The following ARL15 variants were observed in gnomAD, a reference collection of about 807,000 sequenced individuals.
ARL15 encodes ARF like GTPase 15.
In ARL15, 19 loss-of-function variants were observed where a neutral mutation model predicts 25.2. That is an observed-to-expected ratio of 0.75 (90% CI 0.53 to 1.10). The LOEUF is 1.10. Ranked by LOEUF, ARL15 falls within the 50% of genes least tolerant of loss-of-function variation. The pLI is 0.00. For synonymous variants in ARL15, 94 were observed against 86.8 expected (o/e 1.08, Z -0.46); for missense variants, 220 against 246.0 (o/e 0.89, Z 0.71).
rs190003488 is a variant in ARL15 at position 54,001,196 on chromosome 5, A to G, written c.462+112006T>C. Reference sequence around the variant, plus strand: ...AGAAATGGGTTGTGTGTGCTTAGGTACTAGACTCAGTAATCCACCCTCCCT... The same window carrying G: ...AGAAATGGGTTGTGTGTGCTTAGGTGCTAGACTCAGTAATCCACCCTCCCT... On this transcript the variant is annotated intron_variant, in intron 4 of 4. Transcript: ENST00000504924. 2.0e-4 allele frequency among the ~76,000 whole-genome samples: 30 copies of G among 152,278 alleles called. 1 individual carries two copies. Among genetic ancestry groups the G allele is most frequent in the African/African-American group, 7.0e-4 (29 of 41,562 alleles).
At chr5:53,988,327 A>G (rs1047642093) in intron 4 of ARL15, among the ~76,000 whole-genome samples, 1 of 151,772 alleles carries the variant, frequency 6.6e-6, no homozygotes, top group Non-Finnish European at 1.5e-5. Flanking sequence ...AAAAGAAAAA[A>G]AAAAAAAGCT....
intron 4 of ARL15, among the ~76,000 whole-genome samples, chr5:54,056,406 C>CGGATCACCTGAGGTCAGG (rs1554037032): frequency 6.6e-6 from 1 of 151,666 alleles, no homozygotes; most frequent in Non-Finnish European, 1.5e-5. Context: ...CTGAGGTGAG[C>CGGATCACCTGAGGTCAGG]GGATCACCTG....
At position 54,043,631 on chromosome 5, in the gene ARL15, T is replaced by G. The variant is rs186507403; in HGVS notation, c.462+69571A>C. Among the ~76,000 whole-genome samples, 121 of 152,294 alleles carry G rather than the reference T, an allele frequency of 7.9e-4. 1 individual carries two copies. Among genetic ancestry groups the G allele is most frequent in the South Asian group, 5.8e-3 (28 of 4,826 alleles). ...TTGCCTCTCCAAATGTCAGGCTACA[T>G]TTCCATCATAGGGAAAGAGAACATT... On this transcript the variant is annotated intron_variant, in intron 4 of 4. Transcript: ENST00000504924.
intron 1 of ARL15, among the ~76,000 whole-genome samples, chr5:54,288,801 A>AT (rs1758246873): frequency 6.6e-6 from 1 of 152,200 alleles, no homozygotes; most frequent in African/African-American, 2.4e-5. Context: ...ACCTGGACAT[A>AT]TAAGGTTTTT....
chr5:54,060,742 G>A (rs540314016), intron 4 of ARL15, among the ~76,000 whole-genome samples: 1 of 152,306 alleles, frequency 6.6e-6, no homozygotes, highest in African/African-American at 2.4e-5. Flanking sequence ...CTCTTGTTAT[G>A]TTTTAGCAAA....
chr5:54,001,349 C>T (rs1748843961), intron 4 of ARL15, among the ~76,000 whole-genome samples: 1 of 152,164 alleles, frequency 6.6e-6, no homozygotes, highest in Non-Finnish European at 1.5e-5. Flanking sequence ...GCTAAGGATG[C>T]AGAAGGTACT....
chr5:54,186,287 C>T (rs1755237992), intron 1 of ARL15, among the ~76,000 whole-genome samples: 2 of 152,168 alleles, frequency 1.3e-5, no homozygotes, highest in African/African-American at 2.4e-5. Flanking sequence ...TCTCGCCTCA[C>T]ACATCAACAC....
chr5:54,283,206 T>C (rs1014382400), intron 1 of ARL15, among the ~76,000 whole-genome samples: 3 of 152,200 alleles, frequency 2.0e-5, no homozygotes, highest in Admixed American at 6.5e-5. Flanking sequence ...GATGCAGTCC[T>C]TGAGGAAGAC....
rs574897716 is a variant in ARL15, at chr5:54,070,452, C to T, written c.462+42750G>A. Among the ~76,000 whole-genome samples, 25 of 152,184 alleles carry T rather than the reference C, an allele frequency of 1.6e-4. No individual in the cohort carries two copies. In the South Asian group the frequency reaches 5.2e-3, roughly 32 times the overall value. ...CCCCTTGCCATGTGATGCCCTGGGT[C>T]ACCTCGGGACTCTGTAAAGAGTCCC... On this transcript the variant is annotated intron_variant, in intron 4 of 4. Transcript: ENST00000504924.
intron 4 of ARL15, among the ~76,000 whole-genome samples, chr5:54,034,105 G>A (rs1056907603): frequency 2.0e-5 from 3 of 152,156 alleles, no homozygotes; most frequent in South Asian, 2.1e-4. Context: ...GAGCCACCAC[G>A]CCCGGCACAA....
At chr5:54,081,840 C>T (rs565546326) in intron 4 of ARL15, among the ~76,000 whole-genome samples, 1 of 152,070 alleles carries the variant, frequency 6.6e-6, no homozygotes, top group South Asian at 2.1e-4. Flanking sequence ...GCCTGTAATC[C>T]CAGCACTTTG....
chr5:53,895,288 C>T (rs1355441999), intron 4 of ARL15, among the ~76,000 whole-genome samples: 2 of 152,202 alleles, frequency 1.3e-5, no homozygotes, highest in Non-Finnish European at 2.9e-5. Context: ...GGCTTTCCAG[C>T]TTGGCTGGGC....
chr5:54,184,563 A>G (rs1310710185), intron 1 of ARL15, among the ~76,000 whole-genome samples: 2 of 149,362 alleles, frequency 1.3e-5, no homozygotes, highest in Non-Finnish European at 3.0e-5. Flanking sequence ...TCAATAAAGT[A>G]GATTCTTTCC....
At chr5:54,047,111 C>T (rs1378717686) in intron 4 of ARL15, among the ~76,000 whole-genome samples, 1 of 152,162 alleles carries the variant, frequency 6.6e-6, no homozygotes, top group Non-Finnish European at 1.5e-5. Context: ...CTCTATGGCT[C>T]ACAAAGTCAG....
intron 1 of ARL15, among the ~76,000 whole-genome samples, chr5:54,269,837 G>A (rs1367601451): frequency 6.6e-6 from 1 of 152,118 alleles, no homozygotes; most frequent in Non-Finnish European, 1.5e-5. Flanking sequence ...AATAGAGACA[G>A]GGTGTCACTA....
At chr5:54,016,838 C>T (rs1298539147) in intron 4 of ARL15, among the ~76,000 whole-genome samples, 4 of 152,178 alleles carry the variant, frequency 2.6e-5, no homozygotes, top group African/African-American at 7.2e-5. Flanking sequence ...AATATCTTCT[C>T]AAAATATATT....
At chr5:54,132,697 T>C (rs568423254) in intron 3 of ARL15, among the ~76,000 whole-genome samples, 1 of 152,106 alleles carries the variant, frequency 6.6e-6, no homozygotes. Flanking sequence ...AAACAAGGGG[T>C]GGATTATTCA....
chr5:54,074,425 A>G (rs1166132146), intron 4 of ARL15, among the ~76,000 whole-genome samples: 1 of 152,244 alleles, frequency 6.6e-6, no homozygotes, highest in African/African-American at 2.4e-5. Flanking sequence ...TTGTCAATAA[A>G]ATGTTGTAAA....
At chr5:54,065,873 T>C (rs1751215434) in intron 4 of ARL15, among the ~76,000 whole-genome samples, 1 of 152,216 alleles carries the variant, frequency 6.6e-6, no homozygotes, top group African/African-American at 2.4e-5. Context: ...AATCATAATT[T>C]CACTTATTCT....
Sources: gnomAD v4.1 joint callset for allele counts (sites outside exome capture counted in the v4.1 genomes callset) on GRCh38, gnomAD v4.1.1 for gene constraint, MANE v1.5 for transcripts, NCBI Gene and HGNC (gene_info 2026-07-23, HGNC 2026-07-21) for gene names.